MACROD2: variants seen among roughly 807,000 people sequenced by gnomAD.
MACROD2 encodes the protein ADP-ribose glycohydrolase MACROD2.
A neutral mutation model predicts 70.4 loss-of-function variants in MACROD2; 36 were observed. The observed-to-expected ratio is 0.51, with a 90% CI of 0.39 to 0.68. MACROD2 has a LOEUF of 0.68. Ranked by LOEUF, MACROD2 falls within the 30% of genes least tolerant of loss-of-function variation. MACROD2 has a pLI of 0.00. For missense variants in MACROD2, 496 were observed against 538.4 expected, an observed-to-expected ratio of 0.92 and a Z score of 0.78; for synonymous variants, 172 against 178.8, an observed-to-expected ratio of 0.96 and a Z score of 0.30.
At chr20:14,097,299 T>C (rs1293402517) in intron 3 of MACROD2, among the ~76,000 whole-genome samples, 1 of 152,196 alleles carries the variant, frequency 6.6e-6, no homozygotes, top group African/African-American at 2.4e-5. Flanking sequence ...CAGTATGTCA[T>C]TAGAGACAAT....
At chr20:14,036,939 C>T (rs1443389990) in intron 2 of MACROD2, among the ~76,000 whole-genome samples, 2 of 152,148 alleles carry the variant, frequency 1.3e-5, no homozygotes, top group African/African-American at 4.8e-5. Flanking sequence ...ATTTACTAAT[C>T]CAGCGTTTTG....
At chr20:14,962,543 T>G (rs902955237) in intron 5 of MACROD2, among the ~76,000 whole-genome samples, 1 of 142,472 alleles carries the variant, frequency 7.0e-6, no homozygotes, top group Non-Finnish European at 1.5e-5. Context: ...CTCTCTCTCT[T>G]TCTCTCTGTC....
chr20:15,225,525 GT>G (rs1173906369), intron 5 of MACROD2, among the ~76,000 whole-genome samples: 2 of 152,122 alleles, frequency 1.3e-5, no homozygotes, highest in African/African-American at 2.4e-5. Flanking sequence ...TTAACTGCTA[GT>G]TTATCCTTCC....
chr20:14,607,274 T>C (rs1403351704), intron 4 of MACROD2, among the ~76,000 whole-genome samples: 1 of 152,160 alleles, frequency 6.6e-6, no homozygotes, highest in South Asian at 2.1e-4. Flanking sequence ...TGAAGTAGCA[T>C]GAATTCACAA....
intron 3 of MACROD2, among the ~76,000 whole-genome samples, chr20:14,354,285 G>A (rs962461376): frequency 6.6e-6 from 1 of 152,130 alleles, no homozygotes; most frequent in Non-Finnish European, 1.5e-5. Context: ...ATAATTACTT[G>A]TATGTATACT....
chr20:14,760,963 A>AT (rs1367458529), intron 5 of MACROD2, among the ~76,000 whole-genome samples: 9 of 151,944 alleles, frequency 5.9e-5, no homozygotes, highest in African/African-American at 9.7e-5. Flanking sequence ...GTTCTCTTTG[A>AT]TTTTTTTGCA....
intron 8 of MACROD2, among the ~76,000 whole-genome samples, chr20:15,696,688 T>TTTG (rs2050379662): frequency 1.3e-5 from 2 of 151,046 alleles, no homozygotes; most frequent in South Asian, 2.1e-4. Flanking sequence ...GTTTTTTTTT[T>TTTG]TTTTTTTTTG....
chr20:15,575,889 A>G (rs2048440926), intron 8 of MACROD2, among the ~76,000 whole-genome samples: 1 of 152,164 alleles, frequency 6.6e-6, no homozygotes, highest in Non-Finnish European at 1.5e-5. Context: ...GACTTCTTAG[A>G]AGATAAATTG....
chr20:15,927,708 C>T (rs1332149058), intron 10 of MACROD2, among the ~76,000 whole-genome samples: 1 of 152,136 alleles, frequency 6.6e-6, no homozygotes, highest in Non-Finnish European at 1.5e-5. Flanking sequence ...TGAGGCTCTT[C>T]ATTAAAACAA....
At chr20:14,539,932 C>A (rs1026686079) in intron 4 of MACROD2, among the ~76,000 whole-genome samples, 1 of 152,094 alleles carries the variant, frequency 6.6e-6, no homozygotes, top group Non-Finnish European at 1.5e-5. Flanking sequence ...GGATGCTAAG[C>A]AAATCTGTTT....
At chr20:14,634,071 C>T (rs1984653453) in intron 4 of MACROD2, among the ~76,000 whole-genome samples, 1 of 152,218 alleles carries the variant, frequency 6.6e-6, no homozygotes. Flanking sequence ...GCTCTCTTCA[C>T]AGCCCCCTGG....
chr20:15,659,198 T>C, intron 8 of MACROD2, among the ~76,000 whole-genome samples: 1 of 152,132 alleles, frequency 6.6e-6, no homozygotes, highest in East Asian at 1.9e-4. Context: ...TCTTGGTTTG[T>C]AGGTATATGA....
intron 3 of MACROD2, among the ~76,000 whole-genome samples, chr20:14,416,483 C>T (rs1235759682): frequency 1.3e-5 from 2 of 151,764 alleles, no homozygotes; most frequent in African/African-American, 2.4e-5. Flanking sequence ...ATCATGTATG[C>T]GATATATTTG....
intron 5 of MACROD2, among the ~76,000 whole-genome samples, chr20:15,022,266 C>T (rs1270805264): frequency 6.6e-6 from 1 of 152,112 alleles, no homozygotes; most frequent in Non-Finnish European, 1.5e-5. Context: ...GCTGATTAAC[C>T]TATAATTGCA....
intron 3 of MACROD2, among the ~76,000 whole-genome samples, chr20:14,238,201 C>T (rs992332471): frequency 5.9e-5 from 9 of 152,040 alleles, no homozygotes; most frequent in Admixed American, 1.3e-4. Context: ...TAATCCACCA[C>T]GATCTTGTAG....
intron 3 of MACROD2, among the ~76,000 whole-genome samples, chr20:14,381,871 C>T (rs1164553798): frequency 6.6e-6 from 1 of 152,120 alleles, no homozygotes; most frequent in East Asian, 1.9e-4. Flanking sequence ...TTCACACTCT[C>T]AAGAGGACAG....
At chr20:14,480,059 A>G (rs1424845856) in intron 3 of MACROD2, among the ~76,000 whole-genome samples, 1 of 151,962 alleles carries the variant, frequency 6.6e-6, no homozygotes, top group Non-Finnish European at 1.5e-5. Flanking sequence ...TTGTTTATTT[A>G]TTTATTGTAG....
intron 3 of MACROD2, among the ~76,000 whole-genome samples, chr20:14,265,911 G>A (rs576883925): frequency 1.3e-5 from 2 of 152,016 alleles, no homozygotes; most frequent in African/African-American, 4.8e-5. Context: ...CAAGTAGCTG[G>A]GACTACAGGC....
At chr20:14,721,508 C>G (rs1039298101) in intron 5 of MACROD2, among the ~76,000 whole-genome samples, 20 of 152,100 alleles carry the variant, frequency 1.3e-4, no homozygotes, top group Admixed American at 2.6e-4. Flanking sequence ...TAAGAAGTGT[C>G]TACTGGGGCA....
Sources: allele counts gnomAD v4.1 joint callset (sites outside exome capture counted in the v4.1 genomes callset), GRCh38; gene constraint gnomAD v4.1.1; transcripts MANE v1.5; gene names NCBI Gene and HGNC (gene_info 2026-07-23, HGNC 2026-07-21).